SUSD6: variants seen among roughly 807,000 people sequenced by gnomAD.
SUSD6 encodes sushi domain-containing protein 6.
A neutral mutation model predicts 28.4 loss-of-function variants in SUSD6; 16 were observed. The ratio of observed to expected loss-of-function variants is 0.56; its 90% CI spans 0.38 to 0.86. The LOEUF is 0.86. SUSD6 is among the 40% of genes least tolerant of loss of function. The pLI is 0.00. For missense variants in SUSD6, 341 were observed against 384.2 expected, an observed-to-expected ratio of 0.89 and a Z score of 0.94; for synonymous variants, 147 against 159.6, an observed-to-expected ratio of 0.92 and a Z score of 0.59.
At chr14:69,629,220 G>A (rs950876338) in intron 1 of SUSD6, among the ~76,000 whole-genome samples, 1 of 151,842 alleles carries the variant, frequency 6.6e-6, no homozygotes, top group Admixed American at 6.6e-5. Flanking sequence ...GTGGAAGAGA[G>A]GTTGGGGGTC....
intron 2 of SUSD6, among the ~76,000 whole-genome samples, chr14:69,675,065 A>G (rs1330991716): frequency 6.6e-6 from 1 of 150,748 alleles, no homozygotes; most frequent in African/African-American, 2.4e-5. Context: ...CTTTAATCTG[A>G]GACAACTGGA....
At position 69,669,233 on chromosome 14, in the gene SUSD6, T is replaced by G. The variant is rs768892093; in HGVS notation, c.121+10520T>G. On this transcript the variant is annotated intron_variant, in intron 2 of 5. Coordinates refer to ENST00000342745, the MANE Select transcript of SUSD6 (RefSeq NM_014734.4). ...CATGTGCCACCATGCCTGGCTAATT[T>G]TTGTATTTTTAATAGAGACGGAGTT... 3.9e-5 allele frequency among the ~76,000 whole-genome samples: 6 copies of G among 151,996 alleles called. No individual in the cohort carries two copies. The South Asian group carries it at 1.2e-3, about 32-fold the overall frequency.
intron 2 of SUSD6, among the ~76,000 whole-genome samples, chr14:69,686,693 G>A (rs373289222): frequency 7.2e-5 from 11 of 152,268 alleles, no homozygotes; most frequent in African/African-American, 1.9e-4. Flanking sequence ...AGAAATTCTC[G>A]TTTTTTAAAA....
At chr14:69,672,439 A>T (rs1885847264) in intron 2 of SUSD6, among the ~76,000 whole-genome samples, 1 of 152,146 alleles carries the variant, frequency 6.6e-6, no homozygotes, top group Non-Finnish European at 1.5e-5. Context: ...ATGAAACTTG[A>T]TAGGAGCTGG....
intron 2 of SUSD6, among the ~76,000 whole-genome samples, chr14:69,665,403 C>T (rs1237090224): frequency 1.3e-5 from 2 of 152,070 alleles, no homozygotes; most frequent in South Asian, 2.1e-4. Context: ...CATGCATCAC[C>T]ACACCTGGCT....
chr14:69,655,514 T>C (rs1258277774), intron 1 of SUSD6, among the ~76,000 whole-genome samples: 1 of 152,120 alleles, frequency 6.6e-6, no homozygotes, highest in Non-Finnish European at 1.5e-5. Flanking sequence ...TATAAAATGC[T>C]AGCCAGGCAG....
At chr14:69,644,697 AT>A (rs2139605222) in intron 1 of SUSD6, among the ~76,000 whole-genome samples, 1 of 151,842 alleles carries the variant, frequency 6.6e-6, no homozygotes, top group Non-Finnish European at 1.5e-5. Context: ...ATTTGCCTGG[AT>A]TTTATAAAGT....
At chr14:69,648,919 G>T (rs968794959) in intron 1 of SUSD6, among the ~76,000 whole-genome samples, 1 of 152,026 alleles carries the variant, frequency 6.6e-6, no homozygotes, top group South Asian at 2.1e-4. Flanking sequence ...TTGGTGAGTT[G>T]TTCTTCCATT....
At chr14:69,691,971 G>A (rs936329730) in intron 2 of SUSD6, among the ~76,000 whole-genome samples, 6 of 151,664 alleles carry the variant, frequency 4.0e-5, no homozygotes, top group Admixed American at 2.6e-4. Context: ...CCCGGGAGGC[G>A]GAGGTTGCAG....
At chr14:69,632,419 T>C (rs1368204655) in intron 1 of SUSD6, among the ~76,000 whole-genome samples, 1 of 152,168 alleles carries the variant, frequency 6.6e-6, no homozygotes, top group African/African-American at 2.4e-5. Context: ...AGGGGAAAAC[T>C]CATCGTGTAA....
At chr14:69,702,112 C>T (rs1410114479) in intron 2 of SUSD6, among the ~76,000 whole-genome samples, 1 of 152,120 alleles carries the variant, frequency 6.6e-6, no homozygotes, top group East Asian at 1.9e-4. Flanking sequence ...TCAGTCACTC[C>T]AGGCCTGTCA....
chr14:69,684,112 C>T (rs917067822), intron 2 of SUSD6, among the ~76,000 whole-genome samples: 10 of 152,146 alleles, frequency 6.6e-5, no homozygotes, highest in African/African-American at 2.4e-4. Context: ...CCTAGCGGAC[C>T]CAGTGGGGTC....
intron 2 of SUSD6, among the ~76,000 whole-genome samples, chr14:69,666,579 C>A (rs747629546): frequency 2.6e-4 from 40 of 152,146 alleles, no homozygotes; most frequent in Admixed American, 6.5e-5. Flanking sequence ...ATTTGGTAGT[C>A]CTTTTGCTTC....
intron 1 of SUSD6, among the ~76,000 whole-genome samples, chr14:69,630,203 A>G (rs1327447505): frequency 2.6e-5 from 4 of 152,198 alleles, no homozygotes; most frequent in Non-Finnish European, 5.9e-5. Flanking sequence ...AAGAGGATTA[A>G]AAAAACTTGC....
At chr14:69,679,531 C>G (rs528806511) in intron 2 of SUSD6, among the ~76,000 whole-genome samples, 12 of 151,574 alleles carry the variant, frequency 7.9e-5, no homozygotes, top group African/African-American at 2.9e-4. Flanking sequence ...TGCATGTGGC[C>G]TAACACAAAT....
At chr14:69,673,975 T>C (rs1356403386) in intron 2 of SUSD6, among the ~76,000 whole-genome samples, 1 of 152,214 alleles carries the variant, frequency 6.6e-6, no homozygotes, top group Non-Finnish European at 1.5e-5. Flanking sequence ...TGCTGGCTTG[T>C]TACTTGTTTT....
At chr14:69,670,370 A>G in intron 2 of SUSD6, 1 of 441,006 alleles carries the variant, frequency 2.3e-6, no homozygotes. Context: ...TGAAAATAGA[A>G]CAATTCCATG....
chr14:69,704,630 G>A lies in SUSD6; in HGVS notation c.346G>A (p.Val116Ile). 6.2e-7 allele frequency: 1 copy of A among 1,614,036 alleles called. No individual in the cohort carries two copies. Among genetic ancestry groups the A allele is most frequent in the Non-Finnish European group, 8.5e-7 (1 of 1,179,956 alleles). ...TAAAGACACCCACACATCACTTGGG[G>A]TCCCCACGCTGTCTATAGTGGCTTC... ...EDKDTHTSLG[V>I]PTLSIVASTA... The change falls in exon 4 of 6, where the codon GTC (valine) becomes ATC (isoleucine). Residue 116 changes from valine to isoleucine, a missense_variant. Val to Ile is a conservative substitution (Grantham distance 29). Transcript: ENST00000342745.
At chr14:69,683,981 C>T (rs1455305904) in intron 2 of SUSD6, among the ~76,000 whole-genome samples, 1 of 152,188 alleles carries the variant, frequency 6.6e-6, no homozygotes, top group East Asian at 1.9e-4. Flanking sequence ...CTTCTGCAGT[C>T]CCCCTTGCAG....
Sources: gnomAD v4.1 joint callset for allele counts (sites outside exome capture counted in the v4.1 genomes callset) on GRCh38, gnomAD v4.1.1 for gene constraint, MANE v1.5 for transcripts, NCBI Gene and HGNC (gene_info 2026-07-23, HGNC 2026-07-21) for gene names.